SSH2: variants seen among roughly 807,000 people sequenced by gnomAD.
SSH2 encodes protein phosphatase Slingshot homolog 2.
In SSH2, 37 loss-of-function variants were observed where a neutral mutation model predicts 135.2. The observed-to-expected ratio is 0.27, with a 90% CI of 0.21 to 0.36. The LOEUF is 0.36. Among genes scored for constraint, SSH2 ranks in the 10% least tolerant of loss-of-function variants. The pLI, the probability that SSH2 is intolerant of heterozygous loss-of-function variation, is 1.00. For synonymous variants in SSH2, 628 were observed against 646.2 expected (o/e 0.97, Z 0.43); for missense variants, 1,408 against 1,765.3 (o/e 0.80, Z 3.63).
chr17:29,814,949 CTTT>C (rs1027393693), intron 2 of SSH2, among the ~76,000 whole-genome samples: 5 of 132,348 alleles, frequency 3.8e-5, no homozygotes, highest in African/African-American at 5.5e-5. Context: ...CCTTTTCTTT[CTTT>C]TTTTTTTTTT....
chr17:29,669,434 C>A (rs1386832944), intron 9 of SSH2, among the ~76,000 whole-genome samples: 1 of 152,076 alleles, frequency 6.6e-6, no homozygotes, highest in African/African-American at 2.4e-5. Flanking sequence ...TATTTCAGTC[C>A]ATTTTGGCAC....
intron 1 of SSH2, among the ~76,000 whole-genome samples, chr17:29,891,746 G>A (rs760929925): frequency 2.2e-4 from 34 of 152,148 alleles, no homozygotes; most frequent in Non-Finnish European, 4.4e-4. Flanking sequence ...GAGCAGAACC[G>A]CATCATTATA....
chr17:29,680,746 T>C (rs1326359487), intron 6 of SSH2, among the ~76,000 whole-genome samples: 1 of 151,908 alleles, frequency 6.6e-6, no homozygotes, highest in Non-Finnish European at 1.5e-5. Context: ...CAAAAAAATT[T>C]GTTTTGAAAA....
At chr17:29,829,065 C>T (rs754277143) in intron 2 of SSH2, among the ~76,000 whole-genome samples, 1 of 152,078 alleles carries the variant, frequency 6.6e-6, no homozygotes, top group Non-Finnish European at 1.5e-5. Flanking sequence ...CACATGTGAC[C>T]CATGAATGGA....
At chr17:29,679,570 C>G (rs1442448014) in intron 6 of SSH2, among the ~76,000 whole-genome samples, 2 of 152,076 alleles carry the variant, frequency 1.3e-5, no homozygotes, top group African/African-American at 4.8e-5. Context: ...CCACGCCCAG[C>G]TAATTTTGTA....
chr17:29,930,197 G>A lies in SSH2; in HGVS notation c.-197C>T, dbSNP rs901287928. On this transcript the variant is annotated 5_prime_UTR_variant, in exon 1 of 16. Transcript: ENST00000540801. ...CCGACTGACGCTCCGAACGGGCGGC[G>A]GGCGGGCGGTTCCGCAGCTGCGGGG... 8 of 572,698 alleles carry A rather than the reference G, an allele frequency of 1.4e-5. No homozygotes were observed. Among genetic ancestry groups the A allele is most frequent in the Non-Finnish European group, 2.4e-5 (8 of 330,156 alleles). 35.5% of individuals were successfully genotyped at this position (572,698 alleles called of 1,614,324 possible). A position where few individuals can be genotyped will look rare whatever the true frequency, so the allele number is the denominator to read the frequency against.
At chr17:29,680,160 A>G (rs931471459) in intron 6 of SSH2, among the ~76,000 whole-genome samples, 2 of 152,220 alleles carry the variant, frequency 1.3e-5, no homozygotes, top group African/African-American at 4.8e-5. Context: ...CTTTAAAAAC[A>G]ACATAATGAA....
chr17:29,647,808 G>C (rs1483652556), intron 14 of SSH2: 1 of 255,046 alleles, frequency 3.9e-6, no homozygotes, highest in Non-Finnish European at 7.7e-6. Flanking sequence ...GATTACAGGG[G>C]CCCATCATCA....
intron 6 of SSH2, among the ~76,000 whole-genome samples, chr17:29,681,546 TA>T: frequency 6.6e-6 from 1 of 151,276 alleles, no homozygotes. Flanking sequence ...TTCAAGGTGT[TA>T]GGGGTACAAA....
intron 3 of SSH2, among the ~76,000 whole-genome samples, chr17:29,740,351 T>A (rs537773022): frequency 6.6e-6 from 1 of 152,126 alleles, no homozygotes; most frequent in Non-Finnish European, 1.5e-5. Context: ...AGCATCGCAG[T>A]CTCAAAGAGA....
At chr17:29,697,191 A>C (rs997521809) in intron 4 of SSH2, among the ~76,000 whole-genome samples, 3 of 152,162 alleles carry the variant, frequency 2.0e-5, no homozygotes, top group Non-Finnish European at 4.4e-5. Context: ...GGAGATAAAT[A>C]ATGTACTATC....
chr17:29,918,429 G>A (rs1186507391), intron 1 of SSH2, among the ~76,000 whole-genome samples: 1 of 152,146 alleles, frequency 6.6e-6, no homozygotes, highest in Admixed American at 6.5e-5. Flanking sequence ...GCTGAACCCA[G>A]TGTCTACAAT....
intron 1 of SSH2, 47 bp from the exon 2 acceptor site, chr17:29,848,976 A>G: frequency 7.5e-7 from 1 of 1,339,432 alleles, no homozygotes; most frequent in Non-Finnish European, 1.0e-6. Context: ...GAATGGGCCC[A>G]TAAGCACGAG....
chr17:29,876,355 T>A (rs1294929730), intron 1 of SSH2, among the ~76,000 whole-genome samples: 4 of 152,202 alleles, frequency 2.6e-5, no homozygotes, highest in Admixed American at 1.3e-4. Flanking sequence ...TATAGTGAAC[T>A]CATTTTTGGG....
intron 2 of SSH2, among the ~76,000 whole-genome samples, chr17:29,832,375 T>A (rs1276648513): frequency 1.3e-5 from 2 of 152,006 alleles, no homozygotes; most frequent in East Asian, 3.9e-4. Context: ...CAAGTGATCC[T>A]CCTGCCTTGG....
chr17:29,720,574 TTTTAA>T (rs1221881891), intron 3 of SSH2, among the ~76,000 whole-genome samples: 1 of 152,224 alleles, frequency 6.6e-6, no homozygotes, highest in Non-Finnish European at 1.5e-5. Context: ...CTGCCTGACT[TTTTAA>T]AGTCCCTGGA....
chr17:29,688,011 T>G (rs1015817614), intron 5 of SSH2, among the ~76,000 whole-genome samples: 8 of 151,476 alleles, frequency 5.3e-5, no homozygotes, highest in East Asian at 1.9e-4. Context: ...CATTAGTGTT[T>G]TTTTTTTTTT....
intron 3 of SSH2, among the ~76,000 whole-genome samples, chr17:29,722,100 C>T (rs1216628252): frequency 6.6e-6 from 1 of 151,902 alleles, no homozygotes; most frequent in African/African-American, 2.4e-5. Flanking sequence ...GATGGTGAAA[C>T]CCCATCTCTA....
chr17:29,761,144 A>ACTCACAGCTGGTTGATGGCGTT, intron 3 of SSH2: 6 of 1,288,656 alleles, frequency 4.7e-6, no homozygotes, highest in Non-Finnish European at 6.1e-6. Flanking sequence ...CGCGCGGCGG[A>ACTCACAGCTGGTTGATGGCGTT]CTCACAGCTG....
Sources: allele counts gnomAD v4.1 joint callset (sites outside exome capture counted in the v4.1 genomes callset), GRCh38; gene constraint gnomAD v4.1.1; transcripts MANE v1.5; gene names NCBI Gene and HGNC (gene_info 2026-07-23, HGNC 2026-07-21).